The following AUTS2 variants were observed in gnomAD, a reference collection of about 807,000 sequenced individuals.
AUTS2 encodes activator of transcription and developmental regulator AUTS2, also known as autism susceptibility gene 2 protein.
AUTS2 carries 17 observed loss-of-function variants against 112.4 expected under a neutral mutation model. The observed-to-expected ratio is 0.15, with a 90% CI of 0.10 to 0.23. AUTS2 has a LOEUF of 0.23. Ranked by LOEUF, AUTS2 falls within the 10% of genes least tolerant of loss-of-function variation. The pLI is 1.00. For missense variants in AUTS2, 1,510 were observed against 1,701.6 expected, an observed-to-expected ratio of 0.89 and a Z score of 1.98; for synonymous variants, 751 against 702.7, an observed-to-expected ratio of 1.07 and a Z score of -1.09.
At chr7:69,747,819 G>GT (rs1491181770) in intron 1 of AUTS2, among the ~76,000 whole-genome samples, 4 of 150,890 alleles carry the variant, frequency 2.7e-5, no homozygotes, top group Admixed American at 1.3e-4. Flanking sequence ...GTGTGTGTAT[G>GT]AGAGAGAGAG....
At chr7:70,119,513 T>G (rs546666994) in intron 3 of AUTS2, 1 of 151,618 alleles carries the variant, frequency 6.6e-6, no homozygotes, top group South Asian at 2.1e-4. Context: ...TACAGGCGCG[T>G]GCCACCCCGC....
At chr7:69,838,355 A>G (rs1791818639) in intron 1 of AUTS2, among the ~76,000 whole-genome samples, 1 of 152,184 alleles carries the variant, frequency 6.6e-6, no homozygotes, top group Non-Finnish European at 1.5e-5. Context: ...TAAGCCAGAC[A>G]CTGTTCAGAG....
At chr7:70,484,921 A>T (rs939695015) in intron 5 of AUTS2, among the ~76,000 whole-genome samples, 1 of 152,316 alleles carries the variant, frequency 6.6e-6, no homozygotes, top group Non-Finnish European at 1.5e-5. Flanking sequence ...GCAAAGTAAA[A>T]CCACAATAAA....
At chr7:70,150,706 T>A (rs770551310) in intron 4 of AUTS2, among the ~76,000 whole-genome samples, 1 of 152,210 alleles carries the variant, frequency 6.6e-6, no homozygotes, top group Non-Finnish European at 1.5e-5. Flanking sequence ...TCAGCCTGTT[T>A]TAGGTTCTGT....
chr7:70,754,010 A>C (rs935802988), intron 6 of AUTS2, among the ~76,000 whole-genome samples: 1 of 151,490 alleles, frequency 6.6e-6, no homozygotes, highest in Non-Finnish European at 1.5e-5. Flanking sequence ...CAAAAAAAAA[A>C]ATCAGCCAGG....
rs577567366 is a variant in AUTS2, at chr7:69,977,027, T to C, written c.522+77529T>C. 3.5e-4 allele frequency among the ~76,000 whole-genome samples: 54 copies of C among 152,340 alleles called. No individual in the cohort carries two copies. In the South Asian group the frequency reaches 0.011, roughly 31 times the overall value. ...AGAAAGATTGTCAAATCCAATGTCATGAAGCTTTTCCTCAATGTTTTCTTC... is the reference window on the plus strand; with the variant it reads ...AGAAAGATTGTCAAATCCAATGTCACGAAGCTTTTCCTCAATGTTTTCTTC... On this transcript the variant is annotated intron_variant, in intron 2 of 18. Transcript: ENST00000342771.
At chr7:70,643,721 T>C (rs891525596) in intron 5 of AUTS2, among the ~76,000 whole-genome samples, 13 of 152,230 alleles carry the variant, frequency 8.5e-5, no homozygotes, top group African/African-American at 3.1e-4. Flanking sequence ...AAACAAACTT[T>C]ATTATCATGT....
intron 5 of AUTS2, among the ~76,000 whole-genome samples, chr7:70,605,640 T>C (rs1406060407): frequency 1.3e-5 from 2 of 150,784 alleles, no homozygotes; most frequent in African/African-American, 4.9e-5. Flanking sequence ...GGAACTTTTC[T>C]AGTAAGTAGT....
At chr7:70,773,171 T>A (rs885415) in intron 11 of AUTS2, among the ~76,000 whole-genome samples, 1 of 151,858 alleles carries the variant, frequency 6.6e-6, no homozygotes, top group South Asian at 2.1e-4. Context: ...TTCATTCTTT[T>A]CCCCCCCTTC....
At chr7:70,207,735 G>A (rs1810641666) in intron 4 of AUTS2, among the ~76,000 whole-genome samples, 1 of 152,120 alleles carries the variant, frequency 6.6e-6, no homozygotes, top group Non-Finnish European at 1.5e-5. Context: ...TTACCGGCTG[G>A]GCATGGTGGC....
At chr7:70,697,420 G>C (rs570889208) in intron 5 of AUTS2, among the ~76,000 whole-genome samples, 29 of 152,134 alleles carry the variant, frequency 1.9e-4, no homozygotes, top group African/African-American at 5.5e-4. Flanking sequence ...TATATCACTT[G>C]CATTGAGAAC....
At chr7:70,380,502 G>C (rs1367518084) in intron 4 of AUTS2, among the ~76,000 whole-genome samples, 2 of 152,224 alleles carry the variant, frequency 1.3e-5, no homozygotes, top group Non-Finnish European at 2.9e-5. Flanking sequence ...GACCACGTCC[G>C]TGGCTGTGAT....
rs547875244 is a variant in AUTS2 at position 70,377,788 on chromosome 7, T to C, written c.661-57964T>C. On this transcript the variant is annotated intron_variant, in intron 4 of 18. Coordinates refer to ENST00000342771, the MANE Select transcript of AUTS2 (RefSeq NM_015570.4). ...ATAATGTCTTCTTTTTTTTTTTTTT[T>C]TGTGACAGAGTCTCACTTGTCGCCC... 5.8e-4 allele frequency among the ~76,000 whole-genome samples: 88 copies of C among 151,636 alleles called. 2 individuals carry two copies. The highest frequency in any genetic ancestry group is 2.0e-3 in the African/African-American group (84 of 41,348).
At chr7:70,010,935 G>T (rs975356606) in intron 2 of AUTS2, among the ~76,000 whole-genome samples, 2 of 152,192 alleles carry the variant, frequency 1.3e-5, no homozygotes, top group African/African-American at 4.8e-5. Flanking sequence ...AAGCTTCATT[G>T]TTGGGCAGCC....
In AUTS2 at chr7:70,352,309, G is replaced by A. The variant is rs1791805839; in HGVS notation, c.661-83443G>A. Among the ~76,000 whole-genome samples the A allele has an allele frequency of 3.3e-5, 5 of 152,320 alleles. No individual in the cohort carries two copies. The South Asian group carries it at 8.3e-4, about 25-fold the overall frequency. ...GTCTCTGAAAATCCTTGCTCTTACA[G>A]TGTCAGCCAGAGTCCTGCATTGATC... is the stretch of plus-strand genomic sequence containing the variant. On this transcript the variant is annotated intron_variant, in intron 4 of 18. Coordinates refer to ENST00000342771, the MANE Select transcript of AUTS2 (RefSeq NM_015570.4).
At chr7:70,265,951 G>A (rs902880114) in intron 4 of AUTS2, among the ~76,000 whole-genome samples, 10 of 152,206 alleles carry the variant, frequency 6.6e-5, no homozygotes, top group Non-Finnish European at 1.0e-4. Context: ...TGAAAATTAT[G>A]CAGTTTGTGA....
chr7:70,786,386 T>A (rs6959597), intron 17 of AUTS2, among the ~76,000 whole-genome samples: 102,591 of 148,580 alleles, frequency 0.69, 35,452 homozygotes, highest in Non-Finnish European at 0.76. Flanking sequence ...TTACAGCAAT[T>A]GTTACATTTC....
intron 1 of AUTS2, among the ~76,000 whole-genome samples, chr7:69,816,088 A>G (rs1790748416): frequency 6.6e-6 from 1 of 152,218 alleles, no homozygotes; most frequent in South Asian, 2.1e-4. Context: ...AAAGTACTGT[A>G]GAAGGTGTAA....
chr7:70,457,432 A>G (rs56404854), intron 5 of AUTS2, among the ~76,000 whole-genome samples: 4,824 of 152,292 alleles, frequency 0.032, 113 homozygotes, highest in Middle Eastern at 0.065. Context: ...CTGGAGGGGT[A>G]GGAACAGAGG....
Sources: allele counts gnomAD v4.1 joint callset (sites outside exome capture counted in the v4.1 genomes callset), GRCh38; gene constraint gnomAD v4.1.1; transcripts MANE v1.5; gene names NCBI Gene and HGNC (gene_info 2026-07-23, HGNC 2026-07-21).